DLGAP2: variants seen among roughly 807,000 people sequenced by gnomAD.
DLGAP2 encodes the protein DLG associated protein 2, also known as disks large-associated protein 2.
A neutral mutation model predicts 100.3 loss-of-function variants in DLGAP2; 26 were observed. The observed-to-expected ratio is 0.26, with a 90% CI of 0.19 to 0.36. DLGAP2 has a LOEUF of 0.36. DLGAP2 is among the 10% of genes least tolerant of loss of function. DLGAP2 has a pLI of 1.00. For missense variants in DLGAP2, 1,858 were observed against 1,453.2 expected (o/e 1.28, Z -4.53); for synonymous variants, 886 against 630.1 (o/e 1.41, Z -6.08).
At chr8:871,811 G>T (rs771507110) in intron 1 of DLGAP2, among the ~76,000 whole-genome samples, 1 of 152,166 alleles carries the variant, frequency 6.6e-6, no homozygotes, top group African/African-American at 2.4e-5. Flanking sequence ...CCTCTGTTAA[G>T]GATGTGGCGT....
Position 1,551,783 on chromosome 8 carries a change from A to G in DLGAP2, c.1230+2100A>G, listed in dbSNP as rs79258247. On this transcript the variant is annotated intron_variant, in intron 5 of 14. Coordinates refer to ENST00000637795, the MANE Select transcript of DLGAP2 (RefSeq NM_001346810.2). Reference sequence around the variant, plus strand: ...ATATGCCTGTGTTGATCTCCCAGAGATCCACACGGAATGATGAGTACGCTT... The same window carrying G: ...ATATGCCTGTGTTGATCTCCCAGAGGTCCACACGGAATGATGAGTACGCTT... Among the ~76,000 whole-genome samples, 943 of 149,852 alleles carry G rather than the reference A, an allele frequency of 6.3e-3. 11 individuals carry two copies. Among genetic ancestry groups the G allele is most frequent in the African/African-American group, 0.022 (886 of 40,684 alleles).
chr8:958,582 CA>C (rs1207044026), intron 2 of DLGAP2, among the ~76,000 whole-genome samples: 5,515 of 85,738 alleles, frequency 0.064, 152 homozygotes, highest in African/African-American at 0.17. Context: ...ACTAGACCTC[CA>C]AAAAAAAAAA....
chr8:980,781 T>A (rs1346358879), intron 2 of DLGAP2, among the ~76,000 whole-genome samples: 2 of 151,894 alleles, frequency 1.3e-5, no homozygotes, highest in Admixed American at 6.6e-5. Flanking sequence ...GCTCGACAGG[T>A]GGCAGCTGAG....
At chr8:1,641,938 C>A (rs1017577468) in intron 8 of DLGAP2, among the ~76,000 whole-genome samples, 3,464 of 88,328 alleles carry the variant, frequency 0.039, 170 homozygotes, top group African/African-American at 0.17. Flanking sequence ...TCACCCTCGA[C>A]CCCGCCGGTC....
chr8:765,853 C>G (rs1821199550), intron 1 of DLGAP2, among the ~76,000 whole-genome samples: 1 of 152,104 alleles, frequency 6.6e-6, no homozygotes, highest in Admixed American at 6.5e-5. Context: ...ACACATGCAA[C>G]CACACACAGG....
chr8:1,443,573 G>A (rs181003052), intron 3 of DLGAP2, among the ~76,000 whole-genome samples: 70 of 152,308 alleles, frequency 4.6e-4, no homozygotes, highest in Non-Finnish European at 8.8e-4. Flanking sequence ...GAGGAAAGAG[G>A]TTTAATGGAC....
chr8:958,263 C>T (rs146584889), intron 2 of DLGAP2, among the ~76,000 whole-genome samples: 1 of 152,194 alleles, frequency 6.6e-6, no homozygotes, highest in African/African-American at 2.4e-5. Context: ...GACACCCCCC[C>T]ACCGCCGCCA....
intron 2 of DLGAP2, among the ~76,000 whole-genome samples, chr8:1,068,116 G>C (rs6559207): frequency 0.33 from 50,283 of 152,072 alleles, 8,626 homozygotes; most frequent in South Asian, 0.37. Flanking sequence ...CGGTGCCTTC[G>C]TGTCTTTTCC....
At chr8:1,284,560 A>G (rs1323117644) in intron 3 of DLGAP2, among the ~76,000 whole-genome samples, 3 of 152,134 alleles carry the variant, frequency 2.0e-5, no homozygotes, top group Non-Finnish European at 4.4e-5. Context: ...GTTTCTCTCA[A>G]TTCTTTTTAT....
intron 2 of DLGAP2, among the ~76,000 whole-genome samples, chr8:1,242,661 T>G (rs534334952): frequency 2.3e-4 from 35 of 152,204 alleles, no homozygotes; most frequent in Non-Finnish European, 4.1e-4. Flanking sequence ...GATTCCCTGA[T>G]TAACATGCCC....
At chr8:1,070,437 C>G (rs150177601) in intron 2 of DLGAP2, among the ~76,000 whole-genome samples, 2 of 152,268 alleles carry the variant, frequency 1.3e-5, no homozygotes, top group African/African-American at 2.4e-5. Context: ...TAGAAATGCT[C>G]TTGCTTCTGC....
Position 1,708,435 on chromosome 8 carries a change from T to G in DLGAP2, c.*7029T>G, listed in dbSNP as rs985100306. 1.3e-5 allele frequency: 2 copies of G among 152,250 alleles called. No homozygotes were observed. The highest frequency in any genetic ancestry group is 4.8e-5 in the African/African-American group (2 of 41,462). 9.4% of individuals were successfully genotyped at this position (152,250 alleles called of 1,614,324 possible). ...AATATGTATGCAAAATGGTATAGAT[T>G]AAATGAGTTTTTAATTAATAAATCC... On this transcript the variant is annotated 3_prime_UTR_variant, in exon 15 of 15. Coordinates refer to ENST00000637795, the MANE Select transcript of DLGAP2 (RefSeq NM_001346810.2).
At chr8:1,358,170 G>A (rs941219511) in intron 3 of DLGAP2, among the ~76,000 whole-genome samples, 15 of 152,190 alleles carry the variant, frequency 9.9e-5, no homozygotes, top group African/African-American at 3.6e-4. Flanking sequence ...AAGTAGCTTT[G>A]TAGGTGAAAA....
At chr8:1,280,992 A>G (rs946314208) in intron 3 of DLGAP2, among the ~76,000 whole-genome samples, 2 of 152,306 alleles carry the variant, frequency 1.3e-5, no homozygotes, top group South Asian at 2.1e-4. Flanking sequence ...AATCCTTACG[A>G]TAGCTCCACG....
At chr8:994,454 C>G (rs1800729807) in intron 2 of DLGAP2, among the ~76,000 whole-genome samples, 1 of 152,200 alleles carries the variant, frequency 6.6e-6, no homozygotes, top group Non-Finnish European at 1.5e-5. Context: ...TCTGCCTCAG[C>G]CTCCCAAAGT....
intron 3 of DLGAP2, among the ~76,000 whole-genome samples, chr8:1,434,384 T>C (rs2130015949): frequency 6.6e-6 from 1 of 152,278 alleles, no homozygotes; most frequent in East Asian, 1.9e-4. Context: ...TCCACCTGCC[T>C]GGCCCATCTC....
chr8:1,513,807 C>G (rs535044704), intron 4 of DLGAP2, among the ~76,000 whole-genome samples: 4 of 152,342 alleles, frequency 2.6e-5, no homozygotes. Context: ...CCCATGGTCA[C>G]GTTCGTACAG....
intron 4 of DLGAP2, among the ~76,000 whole-genome samples, chr8:1,515,033 G>A (rs1245033766): frequency 6.6e-6 from 1 of 151,684 alleles, no homozygotes; most frequent in East Asian, 1.9e-4. Flanking sequence ...CGACGTGCAG[G>A]GAGACCAACG....
intron 1 of DLGAP2, among the ~76,000 whole-genome samples, chr8:795,320 G>T (rs1021967033): frequency 3.9e-5 from 6 of 152,186 alleles, no homozygotes; most frequent in African/African-American, 1.2e-4. Flanking sequence ...GCTGAACTCA[G>T]AGCTGACAGC....
Sources: allele counts gnomAD v4.1 joint callset (sites outside exome capture counted in the v4.1 genomes callset), GRCh38; gene constraint gnomAD v4.1.1; transcripts MANE v1.5; gene names NCBI Gene and HGNC (gene_info 2026-07-23, HGNC 2026-07-21).